Variants in ARHGAP44 observed in about 807,000 individuals in gnomAD.
The protein encoded by ARHGAP44 is Rho GTPase activating protein 44.
ARHGAP44 carries 43 observed loss-of-function variants against 106.8 expected under a neutral mutation model. That is an observed-to-expected ratio of 0.40 (90% CI 0.32 to 0.52). The LOEUF is 0.52. Ranked by LOEUF, ARHGAP44 falls within the 20% of genes least tolerant of loss-of-function variation. The pLI is 0.48. For missense variants in ARHGAP44, 866 were observed against 1,050.5 expected (o/e 0.82, Z 2.43); for synonymous variants, 439 against 410.3 (o/e 1.07, Z -0.85).
At chr17:12,791,646 A>G (rs58195193) in intron 1 of ARHGAP44, among the ~76,000 whole-genome samples, 2,812 of 152,134 alleles carry the variant, frequency 0.018, 98 homozygotes, top group African/African-American at 0.065. Flanking sequence ...CCATGGCATC[A>G]TATCTTATTT....
chr17:12,990,363 T>A lies in ARHGAP44; in HGVS notation c.*192T>A. ...TGATGCTGGTGGTGCAGGTTTTGTT[T>A]GTTCCTTTCGGGTGGTGACTTCGGC... is the stretch of plus-strand genomic sequence containing the variant. On this transcript the variant is annotated 3_prime_UTR_variant, in exon 21 of 21. Transcript: ENST00000379672. The A allele has an allele frequency of 1.4e-6, 1 of 724,150 alleles. No homozygotes were observed. The highest frequency in any genetic ancestry group is 2.2e-6 in the Non-Finnish European group (1 of 462,264). 44.9% of individuals were successfully genotyped at this position (724,150 alleles called of 1,614,324 possible). A position where few individuals can be genotyped will look rare whatever the true frequency, so the allele number is the denominator to read the frequency against.
At chr17:12,823,192 C>G (rs2034823004) in intron 1 of ARHGAP44, among the ~76,000 whole-genome samples, 1 of 152,114 alleles carries the variant, frequency 6.6e-6, no homozygotes, top group Admixed American at 6.5e-5. Context: ...CCATCAAACT[C>G]TCTTGAAATA....
intron 1 of ARHGAP44, among the ~76,000 whole-genome samples, chr17:12,836,422 C>T (rs900565862): frequency 1.3e-5 from 2 of 151,536 alleles, no homozygotes; most frequent in African/African-American, 4.8e-5. Context: ...CTGAGGCGGG[C>T]GGATCACCTG....
At chr17:12,917,887 C>T (rs79256179) in intron 5 of ARHGAP44, among the ~76,000 whole-genome samples, 95 of 152,304 alleles carry the variant, frequency 6.2e-4, no homozygotes, top group African/African-American at 2.1e-3. Context: ...CTGCCTTGCC[C>T]TAGACCCTGT....
At chr17:12,835,681 T>C (rs1322494423) in intron 1 of ARHGAP44, among the ~76,000 whole-genome samples, 2 of 152,234 alleles carry the variant, frequency 1.3e-5, no homozygotes, top group Admixed American at 1.3e-4. Context: ...ATCTTAACCA[T>C]TTTTAAGTGT....
intron 19 of ARHGAP44, 51 bp downstream of exon 19, chr17:12,980,284 CAT>C: frequency 6.5e-7 from 1 of 1,541,576 alleles, no homozygotes; most frequent in Non-Finnish European, 8.8e-7. Context: ...GTGGCTGTGA[CAT>C]TCCCTGAAGG....
chr17:12,898,559 G>A (rs1260609007), intron 3 of ARHGAP44, among the ~76,000 whole-genome samples: 4 of 152,190 alleles, frequency 2.6e-5, no homozygotes, highest in African/African-American at 9.7e-5. Context: ...TTATTCAGCA[G>A]CTTTGGGTCA....
At chr17:12,966,111 G>T (rs1449165514) in intron 16 of ARHGAP44, among the ~76,000 whole-genome samples, 4 of 148,752 alleles carry the variant, frequency 2.7e-5, no homozygotes, top group African/African-American at 1.0e-4. Context: ...AGCTGTGATA[G>T]TGTCACTGCA....
chr17:12,881,689 G>T (rs1347653742), intron 1 of ARHGAP44, among the ~76,000 whole-genome samples: 2 of 151,676 alleles, frequency 1.3e-5, no homozygotes, highest in Admixed American at 6.6e-5. Context: ...TATTTATTTT[G>T]TTGTTGTTGT....
At chr17:12,916,189 A>G (rs1247732141) in intron 5 of ARHGAP44, among the ~76,000 whole-genome samples, 178 bp downstream of exon 5, 1 of 152,004 alleles carries the variant, frequency 6.6e-6, no homozygotes, top group Non-Finnish European at 1.5e-5. Context: ...TCCTTTTAGC[A>G]TTTGCTACCC....
chr17:12,809,377 T>C (rs1000043624), intron 1 of ARHGAP44, among the ~76,000 whole-genome samples: 10 of 152,214 alleles, frequency 6.6e-5, no homozygotes, highest in African/African-American at 2.2e-4. Flanking sequence ...AGAGGTTTAA[T>C]TGACTCACAG....
intron 1 of ARHGAP44, among the ~76,000 whole-genome samples, chr17:12,877,438 T>A (rs7225132): frequency 0.43 from 65,114 of 151,966 alleles, 14,652 homozygotes; most frequent in African/African-American, 0.57. Context: ...AAGATCATCG[T>A]TGGTTTATAA....
intron 1 of ARHGAP44, among the ~76,000 whole-genome samples, chr17:12,891,792 T>G (rs1451169052): frequency 9.4e-6 from 1 of 105,846 alleles, no homozygotes; most frequent in Non-Finnish European, 1.8e-5. Context: ...TTTTATCATT[T>G]TTGGGGTTTT....
At chr17:12,816,925 A>C (rs981853470) in intron 1 of ARHGAP44, among the ~76,000 whole-genome samples, 9 of 152,190 alleles carry the variant, frequency 5.9e-5, no homozygotes, top group African/African-American at 2.2e-4. Flanking sequence ...ATTGGCATTT[A>C]TAGAATACTT....
chr17:12,985,701 G>A (rs1480581593), intron 20 of ARHGAP44: 1 of 152,234 alleles, frequency 6.6e-6, no homozygotes, highest in Non-Finnish European at 1.5e-5. Flanking sequence ...TATTTGTGGT[G>A]GCTGCTAAAG....
intron 1 of ARHGAP44, among the ~76,000 whole-genome samples, chr17:12,802,745 T>C (rs73978217): frequency 0.1 from 15,220 of 146,486 alleles, 832 homozygotes; most frequent in Middle Eastern, 0.15. Flanking sequence ...GTCCATTCTT[T>C]TTTATTTCTT....
At chr17:12,888,944 C>T (rs936081965) in intron 1 of ARHGAP44, among the ~76,000 whole-genome samples, 3 of 151,956 alleles carry the variant, frequency 2.0e-5, no homozygotes, top group Admixed American at 1.3e-4. Flanking sequence ...ATGTCTTTTC[C>T]AATTTTTTAT....
chr17:12,832,117 C>G (rs1248027951), intron 1 of ARHGAP44, among the ~76,000 whole-genome samples: 1 of 152,150 alleles, frequency 6.6e-6, no homozygotes, highest in Non-Finnish European at 1.5e-5. Context: ...GAGTTTAATT[C>G]CTGCAGAGCC....
chr17:12,968,725 T>G (rs184166305), intron 16 of ARHGAP44, among the ~76,000 whole-genome samples: 12 of 152,084 alleles, frequency 7.9e-5, no homozygotes, highest in Admixed American at 4.6e-4. Context: ...CAGTCCCCAT[T>G]TTTTGTTCCC....
Sources: gnomAD v4.1 joint callset for allele counts (sites outside exome capture counted in the v4.1 genomes callset) on GRCh38, gnomAD v4.1.1 for gene constraint, MANE v1.5 for transcripts, NCBI Gene and HGNC (gene_info 2026-07-23, HGNC 2026-07-21) for gene names.